Variants in CACNB2 observed in about 807,000 individuals in gnomAD.
CACNB2 encodes the protein voltage-dependent L-type calcium channel subunit beta-2.
In CACNB2, 42 loss-of-function variants were observed where a neutral mutation model predicts 73.3. That is an observed-to-expected ratio of 0.57 (90% confidence interval 0.45 to 0.74). The LOEUF (loss-of-function observed/expected upper bound fraction) is 0.74. Ranked by LOEUF, CACNB2 falls within the 30% of genes least tolerant of loss-of-function variation. The pLI, the probability that CACNB2 is intolerant of heterozygous loss-of-function variation, is 0.00. For synonymous variants in CACNB2, 348 were observed against 310.3 expected (o/e 1.12, Z -1.28); for missense variants, 940 against 853.0 (o/e 1.10, Z -1.27).
At position 18,140,727 on chromosome 10, in the gene CACNB2, C is replaced by G; in HGVS notation, c.-10C>G. ...GGCTGGCTGCTTCGCTCCGAGCCGA[C>G]TTTTCGCCAATGGTCCAAAGGGACA... On this transcript the variant is annotated 5_prime_UTR_variant, in exon 1 of 14. Transcript: ENST00000324631. The G allele has an allele frequency of 6.3e-7, 1 of 1,589,300 alleles. No individual in the cohort carries two copies. The highest frequency in any genetic ancestry group is 8.6e-7 in the Non-Finnish European group (1 of 1,169,438).
At chr10:18,219,705 C>A (rs558209308) in intron 2 of CACNB2, among the ~76,000 whole-genome samples, 26 of 151,996 alleles carry the variant, frequency 1.7e-4, no homozygotes, top group Admixed American at 1.6e-3. Flanking sequence ...ATTCCCTCAA[C>A]TTCAATAGCT....
intron 2 of CACNB2, among the ~76,000 whole-genome samples, chr10:18,394,870 T>C (rs771800988): frequency 3.9e-5 from 6 of 152,206 alleles, no homozygotes; most frequent in Non-Finnish European, 7.3e-5. Flanking sequence ...TCTTTTAGCC[T>C]CTAAGTAATT....
chr10:18,185,079 T>A (rs2034089003), intron 2 of CACNB2, among the ~76,000 whole-genome samples: 1 of 152,074 alleles, frequency 6.6e-6, no homozygotes, highest in African/African-American at 2.4e-5. Flanking sequence ...GCTCAAGCAA[T>A]CCTCCCACCT....
chr10:18,140,831 C>T lies in CACNB2; in HGVS notation c.95C>T (p.Ala32Val), dbSNP rs1461072321. 1 of 1,603,008 alleles carries T rather than the reference C, an allele frequency of 6.2e-7. No individual in the cohort carries two copies. The highest frequency in any genetic ancestry group is 1.3e-5 in the African/African-American group (1 of 74,986). ...GAACTGCTAGAGAACGTGGCTCCCG[C>T]GGGGGCGCTCGGAGCCGCCGCACAG... Reference protein sequence around the residue: ...QMELLENVAPAGALGAAAQSY... With the variant: ...QMELLENVAPVGALGAAAQSY... The change falls in exon 1 of 14, where the codon GCG becomes GTG. Residue 32 changes from alanine to valine, a missense_variant. Transcript: ENST00000324631.
At chr10:18,164,682 T>C (rs770050907) in intron 2 of CACNB2, among the ~76,000 whole-genome samples, 9 of 151,922 alleles carry the variant, frequency 5.9e-5, no homozygotes, top group South Asian at 4.2e-4. Context: ...ACACGTAGCC[T>C]GATTTCAAAC....
At chr10:18,405,767 G>C (rs1242528321) in intron 3 of CACNB2, among the ~76,000 whole-genome samples, 3 of 152,080 alleles carry the variant, frequency 2.0e-5, no homozygotes, top group African/African-American at 7.2e-5. Flanking sequence ...AGACCAGCTT[G>C]GGCAACATGG....
At chr10:18,253,675 T>G (rs1223787487) in intron 2 of CACNB2, among the ~76,000 whole-genome samples, 1 of 152,166 alleles carries the variant, frequency 6.6e-6, no homozygotes, top group Non-Finnish European at 1.5e-5. Flanking sequence ...ATTTAAGACA[T>G]GAATATGCCT....
rs1564354006 is a variant in CACNB2 at position 18,220,238 on chromosome 10, G to GTTGGGGGGAGAC, written c.213+69263_213+69264insTTGGGGGGAGAC. Among the ~76,000 whole-genome samples the GTTGGGGGGAGAC allele has an allele frequency of 5.8e-3, 348 of 59,770 alleles. 11 individuals are homozygous for GTTGGGGGGAGAC. The highest frequency in any genetic ancestry group is 6.9e-3 in the Non-Finnish European group (237 of 34,512). 39.2% of individuals were successfully genotyped at this position (59,770 alleles called of 152,430 possible). The stretch of plus-strand genomic sequence containing the variant: ...ATATATATATATATATATATAGAGA[G>GTTGGGGGGAGAC]AGAGAGAGAGAGAGAGAGAGAGAGA... On this transcript the variant is annotated intron_variant, in intron 2 of 13. Coordinates refer to ENST00000324631, the MANE Select transcript of CACNB2 (RefSeq NM_201596.3).
intron 3 of CACNB2, among the ~76,000 whole-genome samples, chr10:18,492,776 T>A: frequency 6.6e-6 from 1 of 152,152 alleles, no homozygotes; most frequent in East Asian, 1.9e-4. Context: ...GTGTCGTGCA[T>A]GTGGCAGATA....
chr10:18,503,168 A>G (rs1363734248), intron 5 of CACNB2, among the ~76,000 whole-genome samples: 1 of 152,224 alleles, frequency 6.6e-6, no homozygotes, highest in Non-Finnish European at 1.5e-5. Context: ...AGACATGCAG[A>G]TGAACAGCGC....
chr10:18,170,521 A>G (rs7076319), intron 2 of CACNB2, among the ~76,000 whole-genome samples: 40,329 of 152,140 alleles, frequency 0.27, 5,471 homozygotes, highest in Non-Finnish European at 0.27. Flanking sequence ...TACTGGCATC[A>G]GAACATGCAT....
chr10:18,224,462 C>A (rs1052408049), intron 2 of CACNB2: 2 of 152,124 alleles, frequency 1.3e-5, no homozygotes, highest in Admixed American at 1.3e-4. Flanking sequence ...TTACCCGGCT[C>A]CTTAAAGTTC....
intron 2 of CACNB2, among the ~76,000 whole-genome samples, chr10:18,201,301 G>A (rs907529667): frequency 2.9e-5 from 4 of 138,370 alleles, no homozygotes; most frequent in African/African-American, 8.1e-5. Flanking sequence ...TTGAGACATA[G>A]TCTCACTCTG....
rs181370371 is a variant in CACNB2 at position 18,430,470 on chromosome 10, A to T, written c.333+28427A>T. ...GGAGACCCTGTCTCTTAAAAAAAAA[A>T]AATTAATTAATTAACTGGGTGTGGT... is the stretch of plus-strand genomic sequence containing the variant. On this transcript the variant is annotated intron_variant, in intron 3 of 13. Transcript: ENST00000324631. Among the ~76,000 whole-genome samples the T allele has an allele frequency of 4.7e-4, 71 of 152,236 alleles. 1 individual carries two copies. The highest frequency in any genetic ancestry group is 1.6e-3 in the African/African-American group (66 of 41,544).
chr10:18,458,359 T>A (rs2047389925), intron 3 of CACNB2, among the ~76,000 whole-genome samples: 1 of 152,208 alleles, frequency 6.6e-6, no homozygotes, highest in African/African-American at 2.4e-5. Context: ...TTACTATTAA[T>A]TTGCATGTGG....
intron 2 of CACNB2, among the ~76,000 whole-genome samples, chr10:18,228,445 A>AAAAAAAAAAAAGAAAAG (rs1359204235): frequency 2.0e-5 from 3 of 148,160 alleles, no homozygotes; most frequent in African/African-American, 7.6e-5. Flanking sequence ...AAAAAAAAAA[A>AAAAAAAAAAAAGAAAAG]AAAAGAAAAA....
At chr10:18,302,067 G>A (rs1175168757) in intron 2 of CACNB2, among the ~76,000 whole-genome samples, 3 of 151,118 alleles carry the variant, frequency 2.0e-5, no homozygotes, top group African/African-American at 7.3e-5. Context: ...AGGAGGAAAA[G>A]TCTTACCAAG....
intron 2 of CACNB2, among the ~76,000 whole-genome samples, chr10:18,299,677 C>A (rs1198002933): frequency 6.6e-6 from 1 of 152,088 alleles, no homozygotes; most frequent in African/African-American, 2.4e-5. Flanking sequence ...CACCACTGCA[C>A]TCCAGACTGG....
In CACNB2 at chr10:18,527,578, C is replaced by T; in HGVS notation, c.945-10C>T. ...ACCTTAAGGTCTTCTGTGACTTTTT[C>T]CTCCAACAGGATATCCATCACAAGG... On this transcript the variant is annotated splice_polypyrimidine_tract_variant and intron_variant, in intron 9 of 13. Coordinates refer to ENST00000324631, the MANE Select transcript of CACNB2 (RefSeq NM_201596.3). The T allele has an allele frequency of 1.3e-6, 2 of 1,598,528 alleles. No individual in the cohort carries two copies. The highest frequency in any genetic ancestry group is 1.1e-5 in the South Asian group (1 of 90,752).
Sources: allele counts gnomAD v4.1 joint callset (sites outside exome capture counted in the v4.1 genomes callset), GRCh38; gene constraint gnomAD v4.1.1; transcripts MANE v1.5; gene names NCBI Gene and HGNC (gene_info 2026-07-23, HGNC 2026-07-21).